PACS2: variants seen among roughly 807,000 people sequenced by gnomAD.
PACS2 encodes PACS1-like protein.
A neutral mutation model predicts 113.0 loss-of-function variants in PACS2; 36 were observed. That is an observed-to-expected ratio of 0.32 (90% CI 0.24 to 0.42). The LOEUF (loss-of-function observed/expected upper bound fraction) is 0.42, where lower values mean the gene tolerates loss of function less well. PACS2 is among the 10% of genes least tolerant of loss of function. PACS2 has a pLI of 1.00. For missense variants in PACS2, 1,015 were observed against 1,239.5 expected (o/e 0.82, Z 2.72); for synonymous variants, 589 against 536.1 (o/e 1.10, Z -1.36).
intron 1 of PACS2, among the ~76,000 whole-genome samples, chr14:105,325,176 G>GT (rs956124611): frequency 6.6e-6 from 1 of 151,640 alleles, no homozygotes; most frequent in African/African-American, 2.4e-5. Flanking sequence ...GGACGGGGGG[G>GT]GGCTCGGACA....
intron 8 of PACS2, chr14:105,372,752 A>G (rs1025938929): frequency 1.7e-4 from 26 of 152,194 alleles, no homozygotes; most frequent in African/African-American, 5.6e-4. Context: ...ATACAAAAAA[A>G]TTAGCTGGGC....
chr14:105,392,894 G>GT, intron 23 of PACS2, 49 bp downstream of exon 23: 2 of 1,430,532 alleles, frequency 1.4e-6, no homozygotes, highest in Non-Finnish European at 1.9e-6. Context: ...GGGCGGCTCT[G>GT]TGGGAGAGGG....
rs2059276573 is a variant in PACS2, at chr14:105,330,709, TTCTCA to T, written c.119+15673_119+15677del. ...CCAACACCCACGCATTTCCTGTCTTTTCTCAGGCAATCGCCATGGTACCCAGGGCT... is the reference window on the plus strand; with the variant it reads ...CCAACACCCACGCATTTCCTGTCTTTGGCAATCGCCATGGTACCCAGGGCT... On this transcript the variant is annotated intron_variant, in intron 1 of 24. Transcript: ENST00000447393. The surrounding 1 kb of genome is among the most constrained non-coding windows in gnomAD (Gnocchi z 6.9). 6.6e-6 allele frequency among the ~76,000 whole-genome samples: 1 copy of T among 152,206 alleles called. No homozygotes were observed. Among genetic ancestry groups the T allele is most frequent in the Non-Finnish European group, 1.5e-5 (1 of 68,026 alleles).
chr14:105,384,915 A>G lies in PACS2; in HGVS notation c.1928A>G (p.Gln643Arg). ...DTPDIVSRIT[Q>R]YIAGANCAHQ... is the part of the protein sequence containing the mutation. ...CCAGACATTGTGTCACGCATCACGC[A>G]GTACATCGCAGGGGCCAACTGTGCC... Residue 643 changes from glutamine to arginine, a missense_variant, in exon 18 of 25, where the codon CAG becomes CGG. Coordinates refer to ENST00000447393, the MANE Select transcript of PACS2 (RefSeq NM_001100913.3). The G allele has an allele frequency of 6.2e-7, 1 of 1,600,182 alleles. No homozygotes were observed. The highest frequency in any genetic ancestry group is 8.5e-7 in the Non-Finnish European group (1 of 1,173,578).
At chr14:105,328,932 G>A (rs1011457941) in intron 1 of PACS2, among the ~76,000 whole-genome samples, 1 of 152,236 alleles carries the variant, frequency 6.6e-6, no homozygotes, top group Admixed American at 6.5e-5. Flanking sequence ...AGAGAGAGAG[G>A]TCAATTGTAA....
Position 105,356,850 on chromosome 14 carries a change from C to G in PACS2, c.423+1673C>G, listed in dbSNP as rs1346570717. Among the ~76,000 whole-genome samples the G allele has an allele frequency of 1.4e-5, 2 of 147,742 alleles. No homozygotes were observed. The highest frequency in any genetic ancestry group is 2.9e-5 in the Non-Finnish European group (2 of 67,800). On this transcript the variant is annotated intron_variant, in intron 4 of 24. Coordinates refer to ENST00000447393, the MANE Select transcript of PACS2 (RefSeq NM_001100913.3). This position sits in a 1 kb window ranked among gnomAD's most constrained non-coding sequence, Gnocchi z 4.0. ...GATGTCCTGCTGATCCCTGCCGGTC[C>G]CTGTGTTTCCCATTAGCCATTCAGG...
chr14:105,392,944 C>G lies in PACS2; in HGVS notation c.2482+99C>G, dbSNP rs907777197. The G allele has an allele frequency of 1.6e-5, 15 of 959,490 alleles. No homozygotes were observed. In the African/African-American group the frequency reaches 2.1e-4, roughly 13 times the overall value. 59.4% of individuals were successfully genotyped at this position (959,490 alleles called of 1,614,324 possible). On this transcript the variant is annotated intron_variant, in intron 23 of 24. Coordinates refer to ENST00000447393, the MANE Select transcript of PACS2 (RefSeq NM_001100913.3). ...CAGGGATGACAGCCCCCGGGCTGGC[C>G]TCGGGCAGCCCACATGCGCAGGCAG...
In PACS2 at chr14:105,348,381, G is replaced by T. The variant is rs587727905; in HGVS notation, c.120-112G>T. 6.7e-5 allele frequency: 50 copies of T among 744,432 alleles called. No homozygotes were observed. The East Asian group carries it at 1.3e-3, about 19-fold the overall frequency. The allele number at this position is 744,432 out of a possible 1,614,324, so 46.1% of individuals were successfully genotyped here. ...GGGGCCGCCCAGGCAGTCACACCCCGCCCTGCACCCCAGGGTGCAGGCTCC... is the reference window on the plus strand; with the variant it reads ...GGGGCCGCCCAGGCAGTCACACCCCTCCCTGCACCCCAGGGTGCAGGCTCC... On this transcript the variant is annotated intron_variant, in intron 1 of 24. Coordinates refer to ENST00000447393, the MANE Select transcript of PACS2 (RefSeq NM_001100913.3). This position sits in a 1 kb window ranked among gnomAD's most constrained non-coding sequence, Gnocchi z 6.4.
Position 105,396,501 on chromosome 14 carries a change from T to TC in PACS2, c.*1829_*1830insC, listed in dbSNP as rs199864025. The TC allele has an allele frequency of 0.012, 1,687 of 144,664 alleles. 13 individuals carry two copies. The highest frequency in any genetic ancestry group is 0.019 in the Non-Finnish European group (1,261 of 66,066). 9.0% of individuals were successfully genotyped at this position (144,664 alleles called of 1,614,324 possible). ...TTCTGCTCTCCAGTTTCTTTTCTTTTTTTTTTTTTTTTTTTTTGAGATGGA... is the reference window on the plus strand; with the variant it reads ...TTCTGCTCTCCAGTTTCTTTTCTTTTCTTTTTTTTTTTTTTTTTGAGATGGA... On this transcript the variant is annotated 3_prime_UTR_variant, in exon 25 of 25. Transcript: ENST00000447393.
intron 23 of PACS2, 45 bp from the exon 24 acceptor site, chr14:105,393,177 C>A: frequency 1.3e-6 from 2 of 1,492,280 alleles, no homozygotes; most frequent in South Asian, 2.3e-5. Context: ...GCCCCAGCCC[C>A]GAAGGAGCAG....
intron 21 of PACS2, 115 bp from the exon 22 acceptor site, chr14:105,391,516 A>AG: frequency 8.8e-6 from 4 of 453,592 alleles, no homozygotes; most frequent in East Asian, 4.5e-5. Flanking sequence ...GGGGACTCCC[A>AG]CCCTGCCCAC....
intron 7 of PACS2, among the ~76,000 whole-genome samples, chr14:105,369,314 C>T (rs587700178): frequency 6.6e-6 from 1 of 152,248 alleles, no homozygotes; most frequent in Admixed American, 6.5e-5. Flanking sequence ...TTGGGCCCAA[C>T]TGTTGTGAAG....
At chr14:105,394,482 G>A in intron 24 of PACS2, 72 bp from the exon 25 acceptor site, 1 of 1,592,320 alleles carries the variant, frequency 6.3e-7, no homozygotes, top group South Asian at 1.1e-5. Flanking sequence ...AGCCTGGTGG[G>A]CCAGGCAGGC....
In PACS2 at chr14:105,396,979, C is replaced by T. The variant is rs991822434; in HGVS notation, c.*2307C>T. The T allele has an allele frequency of 3.3e-5, 5 of 152,266 alleles. No homozygotes were observed. Among genetic ancestry groups the T allele is most frequent in the African/African-American group, 9.6e-5 (4 of 41,460 alleles). 9.4% of individuals were successfully genotyped at this position (152,266 alleles called of 1,614,324 possible). A position where few individuals can be genotyped will look rare whatever the true frequency, so the allele number is the denominator to read the frequency against. On this transcript the variant is annotated 3_prime_UTR_variant, in exon 25 of 25. Transcript: ENST00000447393. ...GAGCCCTCCTGCCTACCCCGTACCT[C>T]CCATCTGGCTGCACAGCTCCATCCT...
At chr14:105,390,776 G>A (rs888247136) in intron 20 of PACS2, 7 of 243,050 alleles carry the variant, frequency 2.9e-5, no homozygotes, top group Non-Finnish European at 4.1e-5. Flanking sequence ...ACTGTGCTCG[G>A]GCACACAGGC....
chr14:105,369,700 G>A (rs968672919), intron 7 of PACS2, 141 bp from the exon 8 acceptor site: 13 of 669,112 alleles, frequency 1.9e-5, no homozygotes, highest in African/African-American at 7.2e-5. Context: ...AGCCACGAGC[G>A]AATCCATCAG....
intron 4 of PACS2, among the ~76,000 whole-genome samples, chr14:105,362,391 T>TG (rs1256411127): frequency 1.4e-5 from 2 of 138,604 alleles, no homozygotes; most frequent in Non-Finnish European, 3.0e-5. Flanking sequence ...CACTCCAGCC[T>TG]GGGCGACAGA....
rs2058983343 is a variant in PACS2 at position 105,323,713 on chromosome 14, T to C, written c.119+8676T>C. On this transcript the variant is annotated intron_variant, in intron 1 of 24. Coordinates refer to ENST00000447393, the MANE Select transcript of PACS2 (RefSeq NM_001100913.3). The surrounding 1 kb of genome is among the most constrained non-coding windows in gnomAD (Gnocchi z 4.1). ...TGGGTGGGAGGTGTCGTGCAGGGCT[T>C]GGGACAGGGCTTTCGGAGGTGGTCT... 6.6e-6 allele frequency among the ~76,000 whole-genome samples: 1 copy of C among 152,066 alleles called. No homozygotes were observed. Among genetic ancestry groups the C allele is most frequent in the African/African-American group, 2.4e-5 (1 of 41,402 alleles).
At chr14:105,325,525 G>A (rs973091535) in intron 1 of PACS2, among the ~76,000 whole-genome samples, 3 of 152,154 alleles carry the variant, frequency 2.0e-5, no homozygotes, top group Non-Finnish European at 2.9e-5. Flanking sequence ...CATCCAGCCC[G>A]TGTCCTAAGA....
Sources: gnomAD v4.1 joint callset for allele counts (sites outside exome capture counted in the v4.1 genomes callset) on GRCh38, gnomAD v4.1.1 for gene constraint, Gnocchi (gnomAD v3.1) non-coding constraint, MANE v1.5 for transcripts, NCBI Gene and HGNC (gene_info 2026-07-23, HGNC 2026-07-21) for gene names.